The following TOGARAM2 variants were observed in gnomAD, a reference collection of about 807,000 sequenced individuals.
TOGARAM2 encodes TOG array regulator of axonemal microtubules protein 2.
Under a neutral mutation model 93.3 loss-of-function variants are expected in TOGARAM2, and 85 were observed. The ratio of observed to expected loss-of-function variants is 0.91; its 90% CI spans 0.76 to 1.09. The LOEUF is 1.09. Among genes scored for constraint, TOGARAM2 ranks in the 50% least tolerant of loss-of-function variants. TOGARAM2 has a pLI of 0.00. For synonymous variants in TOGARAM2, 593 were observed against 552.8 expected, an observed-to-expected ratio of 1.07 and a Z score of -1.02; for missense variants, 1,277 against 1,334.5, an observed-to-expected ratio of 0.96 and a Z score of 0.67.
At chr2:29,016,904 A>G (rs1664611316) in intron 8 of TOGARAM2, among the ~76,000 whole-genome samples, 2 of 151,988 alleles carry the variant, frequency 1.3e-5, no homozygotes. Context: ...GTCCCTAGGG[A>G]CCTTCTAGGC....
At chr2:29,020,909 G>T (rs150050979) in intron 10 of TOGARAM2, among the ~76,000 whole-genome samples, 2,238 of 152,182 alleles carry the variant, frequency 0.015, 24 homozygotes, top group Non-Finnish European at 0.021. Flanking sequence ...CGCTTTTTTT[G>T]TTTGTTTGTT....
intron 16 of TOGARAM2, 123 bp downstream of exon 16, chr2:29,033,686 G>C: frequency 1.2e-6 from 1 of 818,996 alleles, no homozygotes; most frequent in Non-Finnish European, 1.9e-6. Flanking sequence ...CTGAGACCTA[G>C]TTGGGGCTGC....
intron 7 of TOGARAM2, among the ~76,000 whole-genome samples, chr2:29,013,263 G>A (rs1664357828): frequency 6.6e-6 from 1 of 152,246 alleles, no homozygotes; most frequent in African/African-American, 2.4e-5. Flanking sequence ...TCAAGTGGAA[G>A]TGAACGGGTA....
intron 1 of TOGARAM2, among the ~76,000 whole-genome samples, chr2:28,975,258 G>T (rs2148226721): frequency 6.6e-6 from 1 of 151,596 alleles, no homozygotes; most frequent in African/African-American, 2.4e-5. Flanking sequence ...GTGCGATCTT[G>T]GCTCACTGCA....
intron 1 of TOGARAM2, among the ~76,000 whole-genome samples, chr2:28,967,999 A>G (rs2148219304): frequency 6.6e-6 from 1 of 151,864 alleles, no homozygotes; most frequent in South Asian, 2.1e-4. Context: ...TTGTGTTTTT[A>G]GTAGAGACAG....
At chr2:29,017,609 C>T (rs1364789081) in intron 9 of TOGARAM2, among the ~76,000 whole-genome samples, 183 bp from the exon 10 acceptor site, 1 of 152,136 alleles carries the variant, frequency 6.6e-6, no homozygotes, top group Non-Finnish European at 1.5e-5. Context: ...GGGCATCTCC[C>T]TATGTTGCCC....
chr2:29,014,920 T>C (rs1867944), intron 8 of TOGARAM2, among the ~76,000 whole-genome samples: 99,821 of 151,986 alleles, frequency 0.66, 34,811 homozygotes, highest in Middle Eastern at 0.78. Flanking sequence ...TGAACTGCGC[T>C]GCGTGGTTTG....
Position 29,003,485 on chromosome 2 carries a change from C to A in TOGARAM2, c.640-7C>A. ...AGGCCAGACCCCTGTCCCGCCTCTG[C>A]TCCCAGGCGCAGATCTCCTGGCAAT... is the stretch of plus-strand genomic sequence containing the variant. On this transcript the variant is annotated splice_polypyrimidine_tract_variant and splice_region_variant and intron_variant, in intron 5 of 19. Coordinates refer to ENST00000379558, the MANE Select transcript of TOGARAM2 (RefSeq NM_199280.4). 1 of 1,503,460 alleles carries A rather than the reference C, an allele frequency of 6.7e-7. No individual in the cohort carries two copies. The highest frequency in any genetic ancestry group is 8.9e-7 in the Non-Finnish European group (1 of 1,122,734). 93.1% of individuals were successfully genotyped at this position (1,503,460 alleles called of 1,614,324 possible).
In TOGARAM2 at chr2:29,023,177, G is replaced by T. The variant is rs1665083881; in HGVS notation, c.1603G>T (p.Val535Leu). 4 of 1,592,298 alleles carry T rather than the reference G, an allele frequency of 2.5e-6. No individual in the cohort carries two copies. In the South Asian group the frequency reaches 4.6e-5, roughly 18 times the overall value. The change falls in exon 12 of 20, where the codon GTG becomes TTG. Residue 535 changes from valine to leucine, a missense_variant. By Grantham distance (32) the Val-to-Leu change is conservative. Coordinates refer to ENST00000379558, the MANE Select transcript of TOGARAM2 (RefSeq NM_199280.4). ...CGGGAAGCTGCACGACGTGTGCTTGGTGGTGACTGGGGAGGTGAGGCCCCC... is the reference window on the plus strand; with the variant it reads ...CGGGAAGCTGCACGACGTGTGCTTGTTGGTGACTGGGGAGGTGAGGCCCCC... ...LTGKLHDVCLVVTGEVTNLRS... is the reference protein window; with the variant it reads ...LTGKLHDVCLLVTGEVTNLRS...
At position 29,014,407 on chromosome 2, in the gene TOGARAM2, TG is replaced by T. The variant is rs768644584; in HGVS notation, c.892del (p.Ala298ProfsTer25). ...KTPASLEPKP[L>X]ASPIRDRPAA... ...CTCAACCCCTCAGAGCCAAAACCTT[TG>T]GCCTCACCCATCAGAGACAGGCCTG... On this transcript the variant is annotated frameshift_variant, in exon 8 of 20. Coordinates refer to ENST00000379558, the MANE Select transcript of TOGARAM2 (RefSeq NM_199280.4). LOFTEE classifies it high-confidence loss of function. 1.2e-6 allele frequency: 2 copies of T among 1,610,584 alleles called. No individual in the cohort carries two copies. The highest frequency in any genetic ancestry group is 1.7e-6 in the Non-Finnish European group (2 of 1,178,796).
chr2:29,003,696 G>A lies in TOGARAM2; in HGVS notation c.830+14G>A, dbSNP rs760148853. Reference sequence around the variant, plus strand: ...CCCACGCACGCGGTAAGAGCTCCAAGTCAAACCTTCCTTGCTGACTTCTCT... The same window carrying A: ...CCCACGCACGCGGTAAGAGCTCCAAATCAAACCTTCCTTGCTGACTTCTCT... On this transcript the variant is annotated intron_variant, in intron 6 of 19. Transcript: ENST00000379558. 12 of 1,489,964 alleles carry A rather than the reference G, an allele frequency of 8.1e-6. No individual in the cohort carries two copies. The highest frequency in any genetic ancestry group is 9.8e-6 in the Non-Finnish European group (11 of 1,117,914). The allele number at this position is 1,489,964 out of a possible 1,614,324, so 92.3% of individuals were successfully genotyped here.
chr2:28,995,422 G>A (rs529847105), intron 2 of TOGARAM2, among the ~76,000 whole-genome samples: 100 of 152,344 alleles, frequency 6.6e-4, no homozygotes, highest in Non-Finnish European at 1.3e-3. Context: ...GCATGGGCTG[G>A]AGCAGGGGCC....
intron 1 of TOGARAM2, among the ~76,000 whole-genome samples, chr2:28,983,221 T>G (rs1672310685): frequency 5.0e-5 from 4 of 79,372 alleles, no homozygotes; most frequent in Non-Finnish European, 8.9e-5. Flanking sequence ...TTTTTTTTTT[T>G]TTTTTGTAGA....
Position 28,999,364 on chromosome 2 carries a change from C to A in TOGARAM2, c.323C>A (p.Pro108His), listed in dbSNP as rs756709437. Residue 108 changes from proline (P) to histidine (H), a missense_variant, in exon 4 of 20, where the codon CCT becomes CAT. Transcript: ENST00000379558. Reference sequence around the variant, plus strand: ...GGGGACCAGCCCCTGGTGCTCCTCCCTTCTCCGGAGTCAGAGGCCAACAGC... The same window carrying A: ...GGGGACCAGCCCCTGGTGCTCCTCCATTCTCCGGAGTCAGAGGCCAACAGC... ...SLGDQPLVLLPSPESEANSVA... is the reference protein window; with the variant it reads ...SLGDQPLVLLHSPESEANSVA... 2.5e-6 allele frequency: 4 copies of A among 1,613,534 alleles called. No homozygotes were observed. Among genetic ancestry groups the A allele is most frequent in the South Asian group, 1.1e-5 (1 of 90,918 alleles).
At chr2:29,004,647 AGT>A (rs61210293) in intron 6 of TOGARAM2, among the ~76,000 whole-genome samples, 111,552 of 151,446 alleles carry the variant, frequency 0.74, 42,557 homozygotes, top group Non-Finnish European at 0.85. Flanking sequence ...TATGTGTATG[AGT>A]GTGTATGTGT....
At chr2:28,956,602 C>G (rs1266373191), upstream of TOGARAM2, 6 of 152,126 alleles carry the variant, frequency 3.9e-5, no homozygotes, top group East Asian at 1.2e-3. The surrounding 1 kb of genome is among the most constrained non-coding windows in gnomAD (Gnocchi z 4.5). Flanking sequence ...ATTCCCTGAT[C>G]GATAGATGCT....
At position 29,024,093 on chromosome 2, in the gene TOGARAM2, C is replaced by T. The variant is rs569818870; in HGVS notation, c.1618-46C>T. The T allele has an allele frequency of 2.6e-6, 4 of 1,511,736 alleles. No homozygotes were observed. The South Asian group carries it at 3.6e-5, about 14-fold the overall frequency. The allele number at this position is 1,511,736 out of a possible 1,614,324, so 93.6% of individuals were successfully genotyped here. On this transcript the variant is annotated intron_variant, in intron 12 of 19. Transcript: ENST00000379558. ...CCCATTTTCCATGCGTCCCAGAGCC[C>T]TTGGCAGGGTCCAGCACCCTGGAGG...
At chr2:28,971,580 G>A (rs1168865592) in intron 1 of TOGARAM2, among the ~76,000 whole-genome samples, 1 of 152,116 alleles carries the variant, frequency 6.6e-6, no homozygotes, top group Non-Finnish European at 1.5e-5. Flanking sequence ...GGTTTTTTGA[G>A]GTGGGAAGCC....
At chr2:29,021,735 C>G (rs1026022259) in intron 10 of TOGARAM2, among the ~76,000 whole-genome samples, 1 of 152,158 alleles carries the variant, frequency 6.6e-6, no homozygotes, top group African/African-American at 2.4e-5. Flanking sequence ...ACCATACAGG[C>G]CTCTGGTTGG....
Sources: allele counts gnomAD v4.1 joint callset (sites outside exome capture counted in the v4.1 genomes callset), GRCh38; gene constraint gnomAD v4.1.1; non-coding constraint Gnocchi (gnomAD v3.1); transcripts MANE v1.5; gene names NCBI Gene and HGNC (gene_info 2026-07-23, HGNC 2026-07-21).